The following CFAP221 variants were observed in gnomAD, a reference collection of about 807,000 sequenced individuals.
CFAP221 encodes the protein cilia- and flagella-associated protein 221.
CFAP221 carries 97 observed loss-of-function variants against 113.1 expected under a neutral mutation model. The ratio of observed to expected loss-of-function variants is 0.86; its 90% CI spans 0.73 to 1.02. The LOEUF (loss-of-function observed/expected upper bound fraction) is 1.02. Ranked by LOEUF, CFAP221 falls within the 50% of genes least tolerant of loss-of-function variation. CFAP221 has a pLI of 0.00. For missense variants in CFAP221, 1,025 were observed against 1,013.4 expected (o/e 1.01, Z -0.16); for synonymous variants, 331 against 354.4 (o/e 0.93, Z 0.74).
At chr2:119,609,956 A>C (rs1228599857) in intron 12 of CFAP221, among the ~76,000 whole-genome samples, 1 of 152,218 alleles carries the variant, frequency 6.6e-6, no homozygotes, top group East Asian at 1.9e-4. Flanking sequence ...ACATTGGTAA[A>C]TCTTTGCATT....
rs765157772 is a variant in CFAP221 at position 119,596,335 on chromosome 2, A to G, written c.632-4883A>G. On this transcript the variant is annotated intron_variant, in intron 7 of 23. Coordinates refer to ENST00000413369, the MANE Select transcript of CFAP221 (RefSeq NM_001271049.2). Reference sequence around the variant, plus strand: ...CTGCAGCTCCTAGAGCAGGCTCTGAAGCCCCTCCAGTCGCCCTGCCCTCCA... The same window carrying G: ...CTGCAGCTCCTAGAGCAGGCTCTGAGGCCCCTCCAGTCGCCCTGCCCTCCA... 6.2e-4 allele frequency among the ~76,000 whole-genome samples: 95 copies of G among 152,258 alleles called. 1 individual carries two copies. Among genetic ancestry groups the G allele is most frequent in the Non-Finnish European group, 1.3e-3 (87 of 68,006 alleles).
At chr2:119,616,889 C>T (rs146910802) in intron 14 of CFAP221, among the ~76,000 whole-genome samples, 25 of 152,344 alleles carry the variant, frequency 1.6e-4, no homozygotes, top group African/African-American at 5.8e-4. Context: ...AATCTCTCAT[C>T]TCTGTCACTT....
intron 6 of CFAP221, chr2:119,580,045 A>G (rs183309526): frequency 2.0e-5 from 3 of 152,324 alleles, no homozygotes; most frequent in Admixed American, 2.0e-4. Flanking sequence ...AGGGTCAGAA[A>G]TACCTCACAC....
chr2:119,577,341 C>G (rs566207055), intron 6 of CFAP221, among the ~76,000 whole-genome samples: 8 of 152,312 alleles, frequency 5.3e-5, no homozygotes, highest in Non-Finnish European at 1.0e-4. Context: ...TGAGGAGACA[C>G]AAACAGTCCA....
intron 3 of CFAP221, among the ~76,000 whole-genome samples, chr2:119,553,402 G>A (rs928362153): frequency 3.9e-5 from 6 of 152,302 alleles, no homozygotes; most frequent in Middle Eastern, 3.4e-3. Flanking sequence ...GAATATCAAC[G>A]TAAGGAACGT....
chr2:119,633,517 T>G (rs1045504061), intron 19 of CFAP221, among the ~76,000 whole-genome samples: 2 of 151,390 alleles, frequency 1.3e-5, no homozygotes, highest in African/African-American at 4.8e-5. Flanking sequence ...AAGGAAACAG[T>G]CAACAGAATG....
chr2:119,605,389 G>A (rs1684671314), intron 11 of CFAP221, 100 bp downstream of exon 11: 1 of 900,440 alleles, frequency 1.1e-6, no homozygotes. Context: ...AACCTTTTAG[G>A]TACTTTGGAG....
rs1464495183 is a variant in CFAP221 at position 119,629,856 on chromosome 2, T to C, written c.1651-19T>C. On this transcript the variant is annotated intron_variant, in intron 16 of 23. Coordinates refer to ENST00000413369, the MANE Select transcript of CFAP221 (RefSeq NM_001271049.2). ...GCTCAGTGGTGATTGTTCTCTTTTT[T>C]TCTCCTTTCACATTTTAGGCTCCTG... 1.3e-6 allele frequency: 2 copies of C among 1,587,814 alleles called. No individual in the cohort carries two copies. The highest frequency in any genetic ancestry group is 2.2e-5 in the South Asian group (2 of 89,158).
chr2:119,627,530 T>C, intron 15 of CFAP221, 123 bp from the exon 16 acceptor site: 2 of 581,670 alleles, frequency 3.4e-6, no homozygotes, highest in Non-Finnish European at 5.3e-6. Flanking sequence ...TATATATATA[T>C]ATATATATAT....
chr2:119,654,483 A>G (rs1574247938), intron 23 of CFAP221, among the ~76,000 whole-genome samples: 2 of 151,992 alleles, frequency 1.3e-5, no homozygotes, highest in African/African-American at 2.4e-5. Context: ...TTCAATACCT[A>G]TCTACTCACT....
At chr2:119,590,193 G>C (rs559876721) in intron 7 of CFAP221, 1 of 152,078 alleles carries the variant, frequency 6.6e-6, no homozygotes, top group East Asian at 1.9e-4. Context: ...CTTATATAAA[G>C]TTTCAATAAG....
chr2:119,578,743 A>G (rs1682631051), intron 6 of CFAP221, among the ~76,000 whole-genome samples: 2 of 152,204 alleles, frequency 1.3e-5, no homozygotes, highest in East Asian at 3.9e-4. Flanking sequence ...AGCATTTGTC[A>G]TGCTTGTTGT....
At chr2:119,603,784 A>G (rs1294810515) in intron 8 of CFAP221, among the ~76,000 whole-genome samples, 1 of 152,332 alleles carries the variant, frequency 6.6e-6, no homozygotes, top group East Asian at 1.9e-4. Context: ...ATAACTATTT[A>G]GATAAAAATA....
At position 119,604,669 on chromosome 2, in the gene CFAP221, T is replaced by C. The variant is rs1416013548; in HGVS notation, c.792-3T>C. ...CTAATTTAACACTTGTTTTAACCTA[T>C]AGATTAGAAGAGTTTGAAAGGTTGA... On this transcript the variant is annotated splice_polypyrimidine_tract_variant and splice_region_variant and intron_variant, in intron 8 of 23. Coordinates refer to ENST00000413369, the MANE Select transcript of CFAP221 (RefSeq NM_001271049.2). 1.9e-6 allele frequency: 3 copies of C among 1,548,620 alleles called. No homozygotes were observed. In the African/African-American group the frequency reaches 4.2e-5, roughly 22 times the overall value.
intron 6 of CFAP221, among the ~76,000 whole-genome samples, chr2:119,584,491 G>T (rs1683067087): frequency 6.6e-6 from 1 of 152,032 alleles, no homozygotes. Context: ...GGAGACTGAG[G>T]TGGGAGGATC....
In CFAP221 at chr2:119,646,234, A is replaced by AT. The variant is rs528063772; in HGVS notation, c.2226-722dup. Among the ~76,000 whole-genome samples the AT allele has an allele frequency of 3.0e-3, 464 of 152,344 alleles. 1 individual carries two copies. The highest frequency in any genetic ancestry group is 6.3e-3 in the Admixed American group (97 of 15,300). On this transcript the variant is annotated intron_variant, in intron 21 of 23. Transcript: ENST00000413369. ...CTAGGACCAAAAGTAAACTACCTGT[A>AT]TTAGCCTGTTCTCTCATTGCTATAA... is the stretch of plus-strand genomic sequence containing the variant.
rs867684552 is a variant in CFAP221 at position 119,649,545 on chromosome 2, G to A, written c.2319-2429G>A. ...CAGATGTATGACTCATAGATAGGCA[G>A]CAAGAATAAACAGAAGCCTAGGATC... On this transcript the variant is annotated intron_variant, in intron 22 of 23. Transcript: ENST00000413369. Among the ~76,000 whole-genome samples the A allele has an allele frequency of 2.0e-5, 3 of 152,330 alleles. No individual in the cohort carries two copies. In the South Asian group the frequency reaches 6.2e-4, roughly 32 times the overall value.
At chr2:119,605,522 G>A (rs1339827714) in intron 11 of CFAP221, among the ~76,000 whole-genome samples, 1 of 152,188 alleles carries the variant, frequency 6.6e-6, no homozygotes, top group Non-Finnish European at 1.5e-5. Context: ...AGTGAATTGT[G>A]GGAGATGCTC....
In CFAP221 at chr2:119,548,070, C is replaced by A. The variant is rs140180946; in HGVS notation, c.140-1015C>A. Among the ~76,000 whole-genome samples the A allele has an allele frequency of 9.0e-4, 137 of 152,086 alleles. No individual in the cohort carries two copies. In the East Asian group the frequency reaches 0.022, roughly 24 times the overall value. On this transcript the variant is annotated intron_variant, in intron 2 of 23. Coordinates refer to ENST00000413369, the MANE Select transcript of CFAP221 (RefSeq NM_001271049.2). ...TCTCAATCTTCTGGGCTCAAGTGATCCTTGCACCTCAGCCTCCCATGTAGC... is the reference window on the plus strand; with the variant it reads ...TCTCAATCTTCTGGGCTCAAGTGATACTTGCACCTCAGCCTCCCATGTAGC...
Sources: gnomAD v4.1 joint callset for allele counts (sites outside exome capture counted in the v4.1 genomes callset) on GRCh38, gnomAD v4.1.1 for gene constraint, MANE v1.5 for transcripts, NCBI Gene and HGNC (gene_info 2026-07-23, HGNC 2026-07-21) for gene names.